Variants in MYO3B observed in about 807,000 individuals in gnomAD.
The protein encoded by MYO3B is myosin IIIB.
MYO3B carries 156 observed loss-of-function variants against 174.6 expected under a neutral mutation model. The ratio of observed to expected loss-of-function variants is 0.89; its 90% confidence interval spans 0.78 to 1.02. MYO3B has a LOEUF of 1.02. MYO3B is among the 50% of genes least tolerant of loss of function. MYO3B has a pLI of 0.00. For missense variants in MYO3B, 1,632 were observed against 1,639.4 expected (o/e 1.00, Z 0.08); for synonymous variants, 563 against 569.1 (o/e 0.99, Z 0.15).
chr2:170,649,978 GAAA>G (rs890608265), intron 32 of MYO3B: 3 of 119,056 alleles, frequency 2.5e-5, no homozygotes, highest in African/African-American at 9.4e-5. Flanking sequence ...TTTCTCTTCT[GAAA>G]AAAAAAATGG....
chr2:170,392,593 C>A, intron 16 of MYO3B, 98 bp downstream of exon 16: 1 of 721,032 alleles, frequency 1.4e-6, no homozygotes, highest in Non-Finnish European at 2.1e-6. Context: ...CACTTGCTTT[C>A]AAATGCCATG....
At chr2:170,348,589 A>G (rs973717187) in intron 8 of MYO3B, 1 of 151,882 alleles carries the variant, frequency 6.6e-6, no homozygotes, top group Non-Finnish European at 1.5e-5. Context: ...TACCTTTTTC[A>G]CCTGGATATA....
At chr2:170,463,969 G>T (rs919458212) in intron 24 of MYO3B, among the ~76,000 whole-genome samples, 1 of 152,160 alleles carries the variant, frequency 6.6e-6, no homozygotes, top group Non-Finnish European at 1.5e-5. Flanking sequence ...ATACACTCTT[G>T]CACAGATTTG....
At chr2:170,234,183 A>AAAAAAC (rs1553567527) in intron 6 of MYO3B, among the ~76,000 whole-genome samples, 10 of 91,622 alleles carry the variant, frequency 1.1e-4, no homozygotes, top group Non-Finnish European at 1.5e-4. Flanking sequence ...AAAAAAAAAA[A>AAAAAAC]AAAACAAAAC....
At chr2:170,224,175 C>G (rs920782983) in intron 6 of MYO3B, among the ~76,000 whole-genome samples, 4 of 152,166 alleles carry the variant, frequency 2.6e-5, no homozygotes, top group African/African-American at 9.7e-5. Context: ...ATACCAGGGA[C>G]TATGATAGGG....
At chr2:170,551,940 A>G (rs113811881) in intron 32 of MYO3B, among the ~76,000 whole-genome samples, 18 of 152,186 alleles carry the variant, frequency 1.2e-4, no homozygotes, top group African/African-American at 3.9e-4. Flanking sequence ...TCCTGCTGCC[A>G]TGTGAAGATG....
chr2:170,583,230 A>T (rs1693268049), intron 32 of MYO3B, among the ~76,000 whole-genome samples: 1 of 152,070 alleles, frequency 6.6e-6, no homozygotes, highest in African/African-American at 2.4e-5. Flanking sequence ...TCCACATCTG[A>T]TCCCTACCTA....
Position 170,490,317 on chromosome 2 carries a change from C to T in MYO3B, c.3015-8275C>T, listed in dbSNP as rs148472496. ...TGCTGGGATTACAGGCGTGAGCCACCGCACCCGGCCTCATTTTCAGTTTCT... is the reference window on the plus strand; with the variant it reads ...TGCTGGGATTACAGGCGTGAGCCACTGCACCCGGCCTCATTTTCAGTTTCT... On this transcript the variant is annotated intron_variant, in intron 25 of 34. Transcript: ENST00000408978. 9.7e-3 allele frequency among the ~76,000 whole-genome samples: 1,480 copies of T among 152,162 alleles called. 16 individuals are homozygous for T. The highest frequency in any genetic ancestry group is 0.032 in the African/African-American group (1,337 of 41,524).
chr2:170,514,821 A>G, intron 28 of MYO3B, 100 bp from the exon 29 acceptor site: 2 of 962,516 alleles, frequency 2.1e-6, no homozygotes, highest in Non-Finnish European at 3.2e-6. Flanking sequence ...AACCGTAAGA[A>G]AAGTGTGGAT....
At chr2:170,596,735 T>A (rs1694174902) in intron 32 of MYO3B, among the ~76,000 whole-genome samples, 1 of 152,144 alleles carries the variant, frequency 6.6e-6, no homozygotes, top group Non-Finnish European at 1.5e-5. Context: ...TTTAAGGGGA[T>A]AAGAAATGGT....
chr2:170,629,847 C>A (rs1022749116), intron 32 of MYO3B, among the ~76,000 whole-genome samples: 4 of 152,276 alleles, frequency 2.6e-5, no homozygotes, highest in Admixed American at 6.5e-5. Context: ...GAGACTCTAT[C>A]TAAAAACAAA....
At chr2:170,606,020 T>A (rs749458353) in intron 32 of MYO3B, among the ~76,000 whole-genome samples, 1 of 152,146 alleles carries the variant, frequency 6.6e-6, no homozygotes, top group Admixed American at 6.5e-5. Flanking sequence ...TCTCTTCCTC[T>A]TCACTGCCAC....
intron 23 of MYO3B, among the ~76,000 whole-genome samples, chr2:170,445,659 G>T (rs996952732): frequency 6.6e-6 from 1 of 150,684 alleles, no homozygotes; most frequent in African/African-American, 2.4e-5. Context: ...TTTTAGACAA[G>T]TTCTCACTCT....
intron 30 of MYO3B, chr2:170,519,741 G>A (rs1322544086): frequency 6.5e-6 from 3 of 464,674 alleles, no homozygotes; most frequent in East Asian, 4.3e-5. Flanking sequence ...TGGGGGCCGA[G>A]GTGGGTGGAT....
intron 32 of MYO3B, among the ~76,000 whole-genome samples, chr2:170,628,189 C>T (rs1029628140): frequency 1.3e-5 from 2 of 152,228 alleles, no homozygotes; most frequent in South Asian, 2.1e-4. Flanking sequence ...CTGCATTGGG[C>T]TCCACCCAGT....
intron 23 of MYO3B, among the ~76,000 whole-genome samples, chr2:170,451,572 T>C (rs1386183092): frequency 2.0e-5 from 3 of 152,280 alleles, no homozygotes; most frequent in Non-Finnish European, 4.4e-5. Flanking sequence ...GAAAGATTAC[T>C]AAAGTCACAT....
intron 25 of MYO3B, among the ~76,000 whole-genome samples, chr2:170,496,715 G>A (rs1253624660): frequency 6.6e-6 from 1 of 151,540 alleles, no homozygotes; most frequent in East Asian, 1.9e-4. Flanking sequence ...TGTGATCATG[G>A]CTCACTGCAG....
intron 22 of MYO3B, among the ~76,000 whole-genome samples, chr2:170,422,862 A>G (rs1408176303): frequency 6.6e-6 from 1 of 152,064 alleles, no homozygotes; most frequent in Non-Finnish European, 1.5e-5. Flanking sequence ...TCAACATGTA[A>G]CCAATATAAA....
intron 8 of MYO3B, among the ~76,000 whole-genome samples, chr2:170,350,070 C>T (rs1275617256): frequency 2.0e-5 from 3 of 151,798 alleles, no homozygotes; most frequent in Non-Finnish European, 2.9e-5. Context: ...GGCGCGATCT[C>T]GGCTCATTGC....
Sources: allele counts gnomAD v4.1 joint callset (sites outside exome capture counted in the v4.1 genomes callset), GRCh38; gene constraint gnomAD v4.1.1; transcripts MANE v1.5; gene names NCBI Gene and HGNC (gene_info 2026-07-23, HGNC 2026-07-21).